The following CNTN5 variants were observed in gnomAD, a reference collection of about 807,000 sequenced individuals.
CNTN5 encodes contactin 5, also known as contactin-5.
Under a neutral mutation model 129.1 loss-of-function variants are expected in CNTN5, and 77 were observed. The observed-to-expected ratio is 0.60, with a 90% CI of 0.50 to 0.72. The LOEUF (loss-of-function observed/expected upper bound fraction) is 0.72. Ranked by LOEUF, CNTN5 falls within the 30% of genes least tolerant of loss-of-function variation. CNTN5 has a pLI of 0.00. For missense variants in CNTN5, 1,478 were observed against 1,328.8 expected (o/e 1.11, Z -1.75); for synonymous variants, 509 against 465.6 (o/e 1.09, Z -1.20).
chr11:99,742,468 G>T (rs1943916828), intron 3 of CNTN5, among the ~76,000 whole-genome samples: 1 of 152,100 alleles, frequency 6.6e-6, no homozygotes, highest in Admixed American at 6.5e-5. Context: ...TAATATTTTT[G>T]AATGACAGCT....
At chr11:99,694,439 T>A (rs772430698) in intron 3 of CNTN5, among the ~76,000 whole-genome samples, 7 of 152,166 alleles carry the variant, frequency 4.6e-5, no homozygotes, top group Non-Finnish European at 1.0e-4. Flanking sequence ...CTGACCCTGC[T>A]ATACATAATA....
chr11:99,916,438 G>A (rs1949792164), intron 7 of CNTN5, among the ~76,000 whole-genome samples: 1 of 152,096 alleles, frequency 6.6e-6, no homozygotes, highest in Non-Finnish European at 1.5e-5. Flanking sequence ...CAAAGGAAGC[G>A]ATAAACTGAG....
chr11:99,132,306 G>A (rs1446335165), intron 1 of CNTN5, among the ~76,000 whole-genome samples: 5 of 151,978 alleles, frequency 3.3e-5, no homozygotes. Context: ...CATAATGAAA[G>A]GGCAACAGCT....
intron 3 of CNTN5, among the ~76,000 whole-genome samples, chr11:99,774,421 G>T (rs1380139536): frequency 6.6e-6 from 1 of 150,608 alleles, no homozygotes; most frequent in African/African-American, 2.4e-5. Context: ...TAAAGTTTGT[G>T]TGTCTCATGA....
chr11:100,312,779 A>G (rs1951494759), intron 21 of CNTN5, among the ~76,000 whole-genome samples: 1 of 152,108 alleles, frequency 6.6e-6, no homozygotes, highest in South Asian at 2.1e-4. Context: ...CAAAAGCATT[A>G]ACTATGAACC....
rs147019350 is a variant in CNTN5 at position 100,081,072 on chromosome 11, C to T, written c.1580+6778C>T. 5.0e-3 allele frequency among the ~76,000 whole-genome samples: 764 copies of T among 152,158 alleles called. 2 individuals are homozygous for T. Among genetic ancestry groups the T allele is most frequent in the Non-Finnish European group, 5.4e-3 (365 of 67,988 alleles). ...ATGATGAGATTAAGATACTGACTTC[C>T]TGATTTCAGTGAAAGCTAACTGCAC... is the stretch of plus-strand genomic sequence containing the variant. On this transcript the variant is annotated intron_variant, in intron 13 of 24. Transcript: ENST00000524871.
chr11:99,936,730 A>G (rs777700947), intron 7 of CNTN5, among the ~76,000 whole-genome samples: 19 of 152,306 alleles, frequency 1.2e-4, no homozygotes, highest in Non-Finnish European at 2.1e-4. Flanking sequence ...CTGAAGCACT[A>G]CTGTCATTGT....
chr11:99,461,751 C>T (rs1944707423), intron 2 of CNTN5, among the ~76,000 whole-genome samples: 1 of 151,938 alleles, frequency 6.6e-6, no homozygotes, highest in Non-Finnish European at 1.5e-5. Flanking sequence ...AACTCTTTTC[C>T]ATGTCTGAAT....
At chr11:100,000,276 A>G (rs1939774369) in intron 8 of CNTN5, among the ~76,000 whole-genome samples, 1 of 152,226 alleles carries the variant, frequency 6.6e-6, no homozygotes, top group Non-Finnish European at 1.5e-5. Context: ...GTTACTTCCA[A>G]GATACAGGCA....
At position 100,086,984 on chromosome 11, in the gene CNTN5, CTAAAAG is replaced by C. The variant is rs535913262; in HGVS notation, c.1580+12695_1580+12700del. Reference sequence around the variant, plus strand: ...AAGAAATTAGGAAACGAACATGAAACTAAAAGTAAATGCAAGAAAATAATAAATTCA... The same window carrying C: ...AAGAAATTAGGAAACGAACATGAAACTAAATGCAAGAAAATAATAAATTCA... On this transcript the variant is annotated intron_variant, in intron 13 of 24. Coordinates refer to ENST00000524871, the MANE Select transcript of CNTN5 (RefSeq NM_014361.4). 9.2e-5 allele frequency among the ~76,000 whole-genome samples: 14 copies of C among 151,428 alleles called. No homozygotes were observed. In the East Asian group the frequency reaches 2.5e-3, roughly 27 times the overall value.
Position 100,033,050 on chromosome 11 carries a change from T to C in CNTN5, c.981-28162T>C, listed in dbSNP as rs191924106. Among the ~76,000 whole-genome samples the C allele has an allele frequency of 2.4e-4, 36 of 152,320 alleles. 1 individual carries two copies. Among genetic ancestry groups the C allele is most frequent in the Non-Finnish European group, 3.5e-4 (24 of 68,020 alleles). On this transcript the variant is annotated intron_variant, in intron 9 of 24. Transcript: ENST00000524871. ...TTGAAAATTAAATAGGGAGGTAATA[T>C]GGTCACAAACTTTGTGGTATTTCTG...
chr11:99,273,327 A>G (rs1863264834), intron 1 of CNTN5, among the ~76,000 whole-genome samples: 1 of 151,866 alleles, frequency 6.6e-6, no homozygotes, highest in Non-Finnish European at 1.5e-5. Flanking sequence ...CTTCTAGACT[A>G]TTCTCAACAC....
intron 1 of CNTN5, among the ~76,000 whole-genome samples, chr11:99,070,528 TAA>T (rs10711829): frequency 1.3e-4 from 19 of 147,718 alleles, no homozygotes; most frequent in East Asian, 4.0e-4. Flanking sequence ...TGCATGCAGA[TAA>T]AAAAAAAAAG....
chr11:100,351,334 T>C (rs979165143), intron 24 of CNTN5, among the ~76,000 whole-genome samples: 26 of 151,758 alleles, frequency 1.7e-4, no homozygotes, highest in Middle Eastern at 3.4e-3. Flanking sequence ...ACATTATTAT[T>C]AACAATATTA....
At chr11:99,401,217 T>G (rs1941789305) in intron 2 of CNTN5, among the ~76,000 whole-genome samples, 1 of 152,172 alleles carries the variant, frequency 6.6e-6, no homozygotes, top group Non-Finnish European at 1.5e-5. Flanking sequence ...TTTGAGGTCT[T>G]AAATTTAAGT....
chr11:99,230,435 A>G (rs2135727017), intron 1 of CNTN5, among the ~76,000 whole-genome samples: 1 of 152,158 alleles, frequency 6.6e-6, no homozygotes, highest in Middle Eastern at 3.4e-3. Flanking sequence ...ATGGAAATAA[A>G]TTATGTTTTT....
rs571657551 is a variant in CNTN5, at chr11:99,439,339, G to A, written c.-71+113855G>A. On this transcript the variant is annotated intron_variant, in intron 2 of 24. Transcript: ENST00000524871. ...GTATATATATTTAAGATTTTAGAGA[G>A]GAAATATGCACTGTGAATCTAAAAA... Among the ~76,000 whole-genome samples, 31 of 151,494 alleles carry A rather than the reference G, an allele frequency of 2.0e-4. 1 individual carries two copies. In the South Asian group the frequency reaches 6.1e-3, roughly 30 times the overall value.
At chr11:99,194,716 C>T (rs748211275) in intron 1 of CNTN5, among the ~76,000 whole-genome samples, 1 of 152,162 alleles carries the variant, frequency 6.6e-6, no homozygotes, top group Non-Finnish European at 1.5e-5. Flanking sequence ...AGCAGTTCTC[C>T]TGCCTCAGCC....
intron 1 of CNTN5, among the ~76,000 whole-genome samples, chr11:99,027,690 A>T (rs976149742): frequency 6.6e-6 from 1 of 151,732 alleles, no homozygotes; most frequent in African/African-American, 2.4e-5. Context: ...AAAACATAAA[A>T]TTACCATAGT....
Sources: gnomAD v4.1 joint callset for allele counts (sites outside exome capture counted in the v4.1 genomes callset) on GRCh38, gnomAD v4.1.1 for gene constraint, MANE v1.5 for transcripts, NCBI Gene and HGNC (gene_info 2026-07-23, HGNC 2026-07-21) for gene names.